Variants in ARL15 observed in about 807,000 individuals in gnomAD.
ARL15 encodes the protein ADP-ribosylation factor-like protein 15.
In ARL15, 19 loss-of-function variants were observed where a neutral mutation model predicts 25.2. The observed-to-expected ratio is 0.75, with a 90% CI of 0.53 to 1.10. ARL15 has a LOEUF of 1.10. Among genes scored for constraint, ARL15 ranks in the 50% least tolerant of loss-of-function variants. The pLI is 0.00. For missense variants in ARL15, 220 were observed against 246.0 expected (o/e 0.89, Z 0.71); for synonymous variants, 94 against 86.8 (o/e 1.08, Z -0.46).
intron 4 of ARL15, among the ~76,000 whole-genome samples, chr5:54,007,142 A>G (rs1332383126): frequency 2.0e-5 from 3 of 152,138 alleles, no homozygotes; most frequent in South Asian, 2.1e-4. Flanking sequence ...TTTTGTTCTT[A>G]GTGTTTTAAG....
chr5:54,310,283 G>A, intron 1 of ARL15, 149 bp downstream of exon 1: 2 of 899,904 alleles, frequency 2.2e-6, no homozygotes, highest in Non-Finnish European at 3.3e-6. Flanking sequence ...CCGAGTCCAG[G>A]GAAAGGCTTA....
chr5:54,305,990 G>A (rs938877039), intron 1 of ARL15, among the ~76,000 whole-genome samples: 8 of 152,072 alleles, frequency 5.3e-5, no homozygotes, highest in African/African-American at 1.9e-4. Flanking sequence ...TGAGAGAAAT[G>A]TACTAGAAAG....
At chr5:54,041,545 T>A (rs192328291) in intron 4 of ARL15, among the ~76,000 whole-genome samples, 3 of 152,282 alleles carry the variant, frequency 2.0e-5, no homozygotes, top group African/African-American at 7.2e-5. Flanking sequence ...AGGGTCTGAG[T>A]TAACTACAGG....
chr5:53,933,948 C>A (rs1280289125), intron 4 of ARL15, among the ~76,000 whole-genome samples: 1 of 152,144 alleles, frequency 6.6e-6, no homozygotes, highest in Non-Finnish European at 1.5e-5. Flanking sequence ...CCCTTAAGCT[C>A]TAACTCAAAA....
At position 53,886,642 on chromosome 5, in the gene ARL15, A is replaced by G. The variant is rs1422711870; in HGVS notation, c.534T>C (p.Asp178=). ...AGCTGTCTTTCAGTGCATCCATGTCATCCAGTGAGCAGGGCTGTAGAATCC... is the reference window on the plus strand; with the variant it reads ...AGCTGTCTTTCAGTGCATCCATGTCGTCCAGTGAGCAGGGCTGTAGAATCC... ...KRWILQPCSL[D]DMDALKDSFS... The change falls in exon 5 of 5, where the codon GAT becomes GAC. Residue 178 remains aspartate, a synonymous_variant. Transcript: ENST00000504924. The G allele has an allele frequency of 1.9e-6, 3 of 1,574,492 alleles. No individual in the cohort carries two copies. Among genetic ancestry groups the G allele is most frequent in the Non-Finnish European group, 1.7e-6 (2 of 1,158,288 alleles).
At chr5:54,231,591 A>G (rs2112555834) in intron 1 of ARL15, among the ~76,000 whole-genome samples, 1 of 152,334 alleles carries the variant, frequency 6.6e-6, no homozygotes, top group African/African-American at 2.4e-5. Context: ...TTAGGCTACC[A>G]TGACAAAATA....
chr5:54,232,928 C>T (rs1248087236), intron 1 of ARL15, among the ~76,000 whole-genome samples: 5 of 152,144 alleles, frequency 3.3e-5, no homozygotes, highest in Non-Finnish European at 7.3e-5. Flanking sequence ...TGAGGGTCCC[C>T]AAGACCCTTT....
intron 4 of ARL15, among the ~76,000 whole-genome samples, chr5:54,100,063 T>C (rs1014807667): frequency 3.0e-4 from 46 of 152,248 alleles, no homozygotes; most frequent in Non-Finnish European, 5.1e-4. Context: ...CAAGGAGACA[T>C]GTACAAAGAT....
intron 4 of ARL15, among the ~76,000 whole-genome samples, chr5:53,903,707 A>C (rs1745142359): frequency 6.6e-6 from 1 of 152,218 alleles, no homozygotes; most frequent in Admixed American, 6.5e-5. Flanking sequence ...GTCCAGGAGC[A>C]TCACAGGTCA....
At chr5:54,059,957 A>G (rs568287461) in intron 4 of ARL15, among the ~76,000 whole-genome samples, 40 of 152,132 alleles carry the variant, frequency 2.6e-4, no homozygotes, top group Non-Finnish European at 4.1e-4. Context: ...GATAATGAAT[A>G]TAAATTTTCT....
At chr5:53,962,309 C>G (rs1237696895) in intron 4 of ARL15, among the ~76,000 whole-genome samples, 5 of 152,088 alleles carry the variant, frequency 3.3e-5, no homozygotes, top group Admixed American at 6.5e-5. Context: ...TACTCCATCT[C>G]TGGGGCTACC....
At chr5:54,077,407 G>C (rs1751645100) in intron 4 of ARL15, among the ~76,000 whole-genome samples, 1 of 152,102 alleles carries the variant, frequency 6.6e-6, no homozygotes, top group African/African-American at 2.4e-5. Context: ...TTATAGCAGT[G>C]GCTATGAAAT....
chr5:54,258,380 T>C (rs1165223080), intron 1 of ARL15, among the ~76,000 whole-genome samples: 2 of 152,120 alleles, frequency 1.3e-5, no homozygotes, highest in Admixed American at 6.6e-5. Context: ...TGGAGGGACA[T>C]CAAGTTTTCA....
At position 54,163,356 on chromosome 5, in the gene ARL15, C is replaced by CT. The variant is rs869196680; in HGVS notation, c.193+8427dup. On this transcript the variant is annotated intron_variant, in intron 2 of 4. Coordinates refer to ENST00000504924, the MANE Select transcript of ARL15 (RefSeq NM_019087.3). ...GTCCATGAGGGCTATTGGTATGAAGCTTTTTTTTTTTTTTTTTTTTTTTTT... is the reference window on the plus strand; with the variant it reads ...GTCCATGAGGGCTATTGGTATGAAGCTTTTTTTTTTTTTTTTTTTTTTTTTT... 2.5e-4 allele frequency among the ~76,000 whole-genome samples: 14 copies of CT among 55,636 alleles called. 1 individual carries two copies. The highest frequency in any genetic ancestry group is 4.9e-4 in the Non-Finnish European group (14 of 28,766). 36.5% of individuals were successfully genotyped at this position (55,636 alleles called of 152,430 possible).
chr5:54,239,470 T>A (rs1756897359), intron 1 of ARL15, among the ~76,000 whole-genome samples: 1 of 152,190 alleles, frequency 6.6e-6, no homozygotes, highest in East Asian at 1.9e-4. Context: ...TTTCTCTGGA[T>A]TGGCATAAGG....
intron 4 of ARL15, among the ~76,000 whole-genome samples, chr5:54,003,967 G>C (rs1748936498): frequency 6.6e-6 from 1 of 152,138 alleles, no homozygotes; most frequent in Non-Finnish European, 1.5e-5. Context: ...TGGCACACAA[G>C]TGTGAATAAA....
At chr5:54,156,508 T>C (rs1247636008) in intron 2 of ARL15, among the ~76,000 whole-genome samples, 2 of 152,240 alleles carry the variant, frequency 1.3e-5, no homozygotes, top group African/African-American at 4.8e-5. Context: ...AATCATTAGG[T>C]ATACATATTT....
intron 4 of ARL15, among the ~76,000 whole-genome samples, chr5:54,010,979 G>A (rs1749220909): frequency 1.4e-5 from 2 of 144,668 alleles, no homozygotes; most frequent in South Asian, 2.2e-4. Context: ...CAGCCCGGGC[G>A]ACAGAGCAAG....
intron 1 of ARL15, among the ~76,000 whole-genome samples, chr5:54,256,638 A>G (rs1757377939): frequency 6.6e-6 from 1 of 151,654 alleles, no homozygotes; most frequent in Admixed American, 6.6e-5. Flanking sequence ...AAAAAGAAAG[A>G]AAGAAAACTA....
Sources: gnomAD v4.1 joint callset for allele counts (sites outside exome capture counted in the v4.1 genomes callset) on GRCh38, gnomAD v4.1.1 for gene constraint, MANE v1.5 for transcripts, NCBI Gene and HGNC (gene_info 2026-07-23, HGNC 2026-07-21) for gene names.